JPH3: variants seen among roughly 807,000 people sequenced by gnomAD.
The protein encoded by JPH3 is junctophilin 3.
Under a neutral mutation model 59.6 loss-of-function variants are expected in JPH3, and 11 were observed. The ratio of observed to expected loss-of-function variants is 0.18; its 90% confidence interval spans 0.12 to 0.31. JPH3 has a LOEUF of 0.31. JPH3 is among the 10% of genes least tolerant of loss of function. JPH3 has a pLI of 1.00. For missense variants in JPH3, 1,202 were observed against 1,105.7 expected (o/e 1.09, Z -1.24); for synonymous variants, 673 against 483.6 (o/e 1.39, Z -5.14).
chr16:87,644,972 C>T lies in JPH3; in HGVS notation c.1097C>T (p.Ala366Val). The T allele has an allele frequency of 1.2e-6, 2 of 1,610,294 alleles. No individual in the cohort carries two copies. The highest frequency in any genetic ancestry group is 1.7e-6 in the Non-Finnish European group (2 of 1,179,832). ...ASKIREKVDR[A>V]VEAAERAATI... ...AAGATCCGCGAGAAGGTGGACCGCG[C>T]CGTTGAGGCCGCTGAGCGGGCCGCC... Residue 366 changes from alanine to valine, a missense_variant, in exon 2 of 5, where the codon GCC (alanine) becomes GTC (valine). Ala to Val is a moderately conservative substitution (Grantham distance 64, BLOSUM62 0). Transcript: ENST00000284262.
intron 2 of JPH3, 147 bp from the exon 3 acceptor site, chr16:87,683,995 A>G: frequency 1.6e-6 from 1 of 623,658 alleles, no homozygotes; most frequent in Non-Finnish European, 2.9e-6. Flanking sequence ...ATGAACGAAC[A>G]AGATCCAGAA....
rs762805375 is a variant in JPH3 at position 87,690,076 on chromosome 16, G to A, written c.1716G>A (p.Arg572=). The change falls in exon 4 of 5, where the codon CGG becomes CGA. Residue 572 remains arginine (R), a synonymous_variant. Transcript: ENST00000284262. ...GRKQPGNPKP[R]ERRTESPPVF... is the part of the protein sequence containing the mutation. ...AGCAGCCCGGGAACCCCAAGCCGCG[G>A]GAGCGGCGGACGGAGTCACCCCCCG... The A allele has an allele frequency of 3.2e-6, 5 of 1,567,210 alleles. No homozygotes were observed. The South Asian group carries it at 5.8e-5, about 18-fold the overall frequency.
At chr16:87,641,525 C>G (rs1297877111) in intron 1 of JPH3, among the ~76,000 whole-genome samples, 1 of 152,214 alleles carries the variant, frequency 6.6e-6, no homozygotes, top group African/African-American at 2.4e-5. Context: ...CTGAGACCAC[C>G]TCATTCGGCC....
rs751307430 is a variant in JPH3 at position 87,644,361 on chromosome 16, G to A, written c.486G>A (p.Thr162=). Residue 162 remains threonine (T), a synonymous_variant, in exon 2 of 5, where the codon ACG becomes ACA. Transcript: ENST00000284262. ...MAAVIRSPLR[T]SINSLRSEHT... ...CGGTCATCCGCTCACCCCTGAGGAC[G>A]TCCATCAACTCCCTGCGCAGCGAGC... The A allele has an allele frequency of 2.4e-5, 39 of 1,612,840 alleles. No individual in the cohort carries two copies. In the Admixed American group the frequency reaches 3.7e-4, roughly 15 times the overall value.
chr16:87,661,396 T>A (rs1441309475), intron 2 of JPH3, among the ~76,000 whole-genome samples: 6 of 152,254 alleles, frequency 3.9e-5, no homozygotes, highest in African/African-American at 1.4e-4. Context: ...AGGGCTGTGT[T>A]TCTGCTGACC....
intron 1 of JPH3, among the ~76,000 whole-genome samples, chr16:87,642,498 T>G (rs879822740): frequency 6.6e-6 from 1 of 152,246 alleles, no homozygotes; most frequent in Non-Finnish European, 1.5e-5. Context: ...CAATGTTTTA[T>G]GAAAACAGCG....
chr16:87,616,617 G>A (rs184253599), intron 1 of JPH3, among the ~76,000 whole-genome samples: 3 of 152,114 alleles, frequency 2.0e-5, no homozygotes, highest in Non-Finnish European at 2.9e-5. Context: ...CAGTGGTGAG[G>A]AATAGATCAG....
chr16:87,614,148 C>T (rs2030843841), intron 1 of JPH3, among the ~76,000 whole-genome samples: 1 of 152,260 alleles, frequency 6.6e-6, no homozygotes, highest in South Asian at 2.1e-4. Context: ...GGACACAGAG[C>T]TGCGTGACCC....
intron 3 of JPH3, 81 bp from the exon 4 acceptor site, chr16:87,689,565 G>A (rs1050815467): frequency 8.3e-5 from 122 of 1,465,270 alleles, no homozygotes; most frequent in Non-Finnish European, 1.1e-4. Context: ...GTTCCCTCTG[G>A]CGCCCTGGCC....
At chr16:87,678,615 G>A (rs778389006) in intron 2 of JPH3, among the ~76,000 whole-genome samples, 15 of 152,166 alleles carry the variant, frequency 9.9e-5, no homozygotes, top group Non-Finnish European at 2.1e-4. Flanking sequence ...GTAGTGGGCT[G>A]AATGGTGTCC....
At chr16:87,618,961 C>T (rs1374438955) in intron 1 of JPH3, among the ~76,000 whole-genome samples, 6 of 151,878 alleles carry the variant, frequency 4.0e-5, no homozygotes, top group African/African-American at 1.2e-4. Context: ...TGATGGCAGG[C>T]GCCTGTAATC....
chr16:87,683,567 G>A (rs925700660), intron 2 of JPH3, among the ~76,000 whole-genome samples: 1 of 151,800 alleles, frequency 6.6e-6, no homozygotes, highest in African/African-American at 2.4e-5. Flanking sequence ...GCCTCCCAAA[G>A]TGCTGGGATT....
chr16:87,639,152 G>C (rs912697242), intron 1 of JPH3, among the ~76,000 whole-genome samples: 1 of 152,152 alleles, frequency 6.6e-6, no homozygotes, highest in Non-Finnish European at 1.5e-5. Flanking sequence ...ACCATCAATC[G>C]AGCATTAGCG....
intron 2 of JPH3, among the ~76,000 whole-genome samples, chr16:87,668,412 G>A (rs1364625727): frequency 1.3e-5 from 2 of 152,128 alleles, no homozygotes; most frequent in Non-Finnish European, 2.9e-5. Context: ...TCAAATCCTG[G>A]CCCTACTCAC....
chr16:87,695,895 G>A (rs930603935), intron 4 of JPH3: 4 of 455,972 alleles, frequency 8.8e-6, no homozygotes, highest in Non-Finnish European at 1.8e-5. Flanking sequence ...GGCTGAAGGG[G>A]GAGTCTGGCA....
At chr16:87,642,650 C>T (rs1567594935) in intron 1 of JPH3, among the ~76,000 whole-genome samples, 2 of 152,204 alleles carry the variant, frequency 1.3e-5, no homozygotes, top group Non-Finnish European at 2.9e-5. Context: ...ACATCCACGC[C>T]GTTAGTGCCC....
intron 2 of JPH3, among the ~76,000 whole-genome samples, chr16:87,668,508 C>G (rs1052499321): frequency 6.6e-6 from 1 of 150,890 alleles, no homozygotes. Flanking sequence ...CGTGGCCCGT[C>G]ACACTCATCC....
intron 3 of JPH3, 105 bp downstream of exon 3, chr16:87,684,371 G>A: frequency 1.3e-6 from 2 of 1,486,708 alleles, no homozygotes; most frequent in Non-Finnish European, 1.8e-6. Flanking sequence ...GGCTTAGATG[G>A]GCTCAGCCCC....
chr16:87,666,904 C>T (rs907264870), intron 2 of JPH3, among the ~76,000 whole-genome samples: 3 of 152,234 alleles, frequency 2.0e-5, no homozygotes, highest in African/African-American at 7.2e-5. Flanking sequence ...GGGATCTGAA[C>T]CCAGGCCGTC....
Sources: allele counts gnomAD v4.1 joint callset (sites outside exome capture counted in the v4.1 genomes callset), GRCh38; gene constraint gnomAD v4.1.1; transcripts MANE v1.5; gene names NCBI Gene and HGNC (gene_info 2026-07-23, HGNC 2026-07-21).